Variants in IMMP2L observed in about 807,000 individuals in gnomAD.
The protein encoded by IMMP2L is inner mitochondrial membrane peptidase subunit 2, also known as mitochondrial inner membrane protease subunit 2.
In IMMP2L, 18 loss-of-function variants were observed where a neutral mutation model predicts 19.3. The observed-to-expected ratio is 0.93, with a 90% CI of 0.64 to 1.38. IMMP2L has a LOEUF of 1.38. IMMP2L is among the 40% of genes most tolerant of loss of function. IMMP2L has a pLI of 0.00. For synonymous variants in IMMP2L, 76 were observed against 73.0 expected, an observed-to-expected ratio of 1.04 and a Z score of -0.21; for missense variants, 233 against 218.2, an observed-to-expected ratio of 1.07 and a Z score of -0.43.
chr7:110,998,787 GT>G (rs1030262427), intron 3 of IMMP2L, among the ~76,000 whole-genome samples: 17 of 152,120 alleles, frequency 1.1e-4, no homozygotes, highest in African/African-American at 3.9e-4. Flanking sequence ...CGGGCACAGT[GT>G]AATTCCACTG....
chr7:110,769,568 A>G (rs1218865710), intron 5 of IMMP2L, among the ~76,000 whole-genome samples: 1 of 152,136 alleles, frequency 6.6e-6, no homozygotes, highest in African/African-American at 2.4e-5. Context: ...GATCATTTTG[A>G]GCAGCTCTCA....
chr7:111,545,055 A>C (rs1354134756), intron 1 of IMMP2L, among the ~76,000 whole-genome samples: 2 of 152,152 alleles, frequency 1.3e-5, no homozygotes, highest in Non-Finnish European at 2.9e-5. Context: ...ACTCACACAC[A>C]CACATACTCT....
At chr7:111,399,619 T>G (rs1003533043) in intron 3 of IMMP2L, among the ~76,000 whole-genome samples, 1 of 152,074 alleles carries the variant, frequency 6.6e-6, no homozygotes, top group Non-Finnish European at 1.5e-5. Context: ...CCTCCCAAAG[T>G]GCTGGGATTA....
At chr7:111,086,393 T>A (rs1334184446) in intron 3 of IMMP2L, among the ~76,000 whole-genome samples, 2 of 152,020 alleles carry the variant, frequency 1.3e-5, no homozygotes, top group Admixed American at 1.3e-4. Flanking sequence ...CAGTGAACTA[T>A]GATCATGCCA....
intron 4 of IMMP2L, among the ~76,000 whole-genome samples, chr7:110,945,360 T>C (rs1258507670): frequency 6.6e-6 from 1 of 152,044 alleles, no homozygotes; most frequent in African/African-American, 2.4e-5. Context: ...GCAGCCACAG[T>C]AATCCGGGGA....
chr7:111,309,533 T>A (rs533386590), intron 3 of IMMP2L, among the ~76,000 whole-genome samples: 1 of 152,162 alleles, frequency 6.6e-6, no homozygotes, highest in South Asian at 2.1e-4. Flanking sequence ...CTTTTTCACA[T>A]AGATTCACTC....
At chr7:111,393,594 G>A (rs1005224587) in intron 3 of IMMP2L, among the ~76,000 whole-genome samples, 3 of 152,156 alleles carry the variant, frequency 2.0e-5, no homozygotes, top group Admixed American at 1.3e-4. Context: ...TTACGTAGGA[G>A]GGAATGGTTT....
At chr7:111,469,705 T>C (rs28842868) in intron 3 of IMMP2L, among the ~76,000 whole-genome samples, 3,111 of 152,138 alleles carry the variant, frequency 0.02, 104 homozygotes, top group African/African-American at 0.07. Context: ...CTGCCTTACA[T>C]CTTATACAAA....
At chr7:111,272,766 C>T (rs189032885) in intron 3 of IMMP2L, among the ~76,000 whole-genome samples, 1 of 152,276 alleles carries the variant, frequency 6.6e-6, no homozygotes, top group East Asian at 1.9e-4. Flanking sequence ...TTTCTTTGGG[C>T]CCACACACCT....
chr7:111,057,222 G>T (rs1016732635), intron 3 of IMMP2L, among the ~76,000 whole-genome samples: 4 of 152,116 alleles, frequency 2.6e-5, no homozygotes, highest in Non-Finnish European at 5.9e-5. Context: ...TTGGCATGGT[G>T]CATTCACCCA....
At chr7:111,394,325 A>G (rs1832668807) in intron 3 of IMMP2L, among the ~76,000 whole-genome samples, 1 of 152,184 alleles carries the variant, frequency 6.6e-6, no homozygotes, top group South Asian at 2.1e-4. Flanking sequence ...AATGTAGTAT[A>G]ACAGATTTTC....
intron 2 of IMMP2L, among the ~76,000 whole-genome samples, chr7:111,501,254 G>A (rs1165063877): frequency 3.3e-5 from 5 of 152,044 alleles, no homozygotes; most frequent in South Asian, 2.1e-4. Flanking sequence ...GAAATGAAGC[G>A]AGAAGGGAAG....
At chr7:110,921,519 C>A (rs1814280767) in intron 4 of IMMP2L, among the ~76,000 whole-genome samples, 1 of 152,170 alleles carries the variant, frequency 6.6e-6, no homozygotes, top group East Asian at 1.9e-4. Flanking sequence ...CCAATAGAGA[C>A]AAGATGCTTT....
intron 3 of IMMP2L, among the ~76,000 whole-genome samples, chr7:111,162,010 T>C (rs913567765): frequency 4.6e-5 from 7 of 152,110 alleles, no homozygotes; most frequent in African/African-American, 1.7e-4. Flanking sequence ...TTACCACTTG[T>C]GTTTAATAAC....
intron 3 of IMMP2L, among the ~76,000 whole-genome samples, chr7:111,308,075 C>T (rs1453094102): frequency 6.6e-6 from 1 of 151,786 alleles, no homozygotes. Flanking sequence ...TATGCTTGTG[C>T]GTATCTGTCC....
At chr7:111,106,882 A>G (rs1798608482) in intron 3 of IMMP2L, among the ~76,000 whole-genome samples, 1 of 151,806 alleles carries the variant, frequency 6.6e-6, no homozygotes, top group Admixed American at 6.6e-5. Context: ...TTTGTTTAGA[A>G]GAGTAAAGGA....
At chr7:111,051,619 G>A (rs1432210577) in intron 3 of IMMP2L, among the ~76,000 whole-genome samples, 1 of 152,146 alleles carries the variant, frequency 6.6e-6, no homozygotes, top group Non-Finnish European at 1.5e-5. Flanking sequence ...TTTGAGAAAT[G>A]TCTACCTTTT....
At chr7:111,172,333 T>C (rs1247611813) in intron 3 of IMMP2L, among the ~76,000 whole-genome samples, 2 of 151,524 alleles carry the variant, frequency 1.3e-5, no homozygotes, top group East Asian at 3.9e-4. Context: ...GAACACTCTA[T>C]GATTTCTTCT....
chr7:110,786,071 G>T (rs1800055319), intron 5 of IMMP2L, among the ~76,000 whole-genome samples: 1 of 151,822 alleles, frequency 6.6e-6, no homozygotes, highest in Non-Finnish European at 1.5e-5. Flanking sequence ...TTACTAGATT[G>T]CCAATTTCTG....
Sources: gnomAD v4.1 joint callset for allele counts (sites outside exome capture counted in the v4.1 genomes callset) on GRCh38, gnomAD v4.1.1 for gene constraint, MANE v1.5 for transcripts, NCBI Gene and HGNC (gene_info 2026-07-23, HGNC 2026-07-21) for gene names.